The following CDH13 variants were observed in gnomAD, a reference collection of about 807,000 sequenced individuals.
CDH13 encodes cadherin-13.
Under a neutral mutation model 63.8 loss-of-function variants are expected in CDH13, and 24 were observed. The observed-to-expected ratio is 0.38, with a 90% CI of 0.27 to 0.53. The LOEUF is 0.53. Ranked by LOEUF, CDH13 falls within the 20% of genes least tolerant of loss-of-function variation. CDH13 has a pLI of 0.85. For missense variants in CDH13, 1,049 were observed against 903.1 expected (o/e 1.16, Z -2.07); for synonymous variants, 503 against 355.3 (o/e 1.42, Z -4.67).
intron 8 of CDH13, among the ~76,000 whole-genome samples, chr16:83,615,691 G>C (rs1398506077): frequency 6.6e-6 from 1 of 152,200 alleles, no homozygotes; most frequent in East Asian, 1.9e-4. Context: ...TGTGATTTCA[G>C]TGCATGGGTA....
chr16:82,828,775 C>T (rs111975312), intron 1 of CDH13, among the ~76,000 whole-genome samples: 239 of 151,984 alleles, frequency 1.6e-3, no homozygotes, highest in African/African-American at 5.6e-3. Flanking sequence ...ATAGCATTTA[C>T]ATTCTATTAG....
chr16:83,344,373 T>C (rs1052212092), intron 5 of CDH13, among the ~76,000 whole-genome samples: 2 of 152,184 alleles, frequency 1.3e-5, no homozygotes, highest in Non-Finnish European at 2.9e-5. Flanking sequence ...CCCTGCAAAT[T>C]CTGAGTTCCT....
At chr16:83,390,904 G>C (rs560064334) in intron 6 of CDH13, among the ~76,000 whole-genome samples, 1 of 152,342 alleles carries the variant, frequency 6.6e-6, no homozygotes, top group East Asian at 1.9e-4. Flanking sequence ...CACTGGAGCT[G>C]ACCTCTTTGA....
At chr16:82,890,565 GA>G (rs1406723983) in intron 2 of CDH13, among the ~76,000 whole-genome samples, 1 of 151,996 alleles carries the variant, frequency 6.6e-6, no homozygotes, top group Non-Finnish European at 1.5e-5. Context: ...TCTTAGAGTG[GA>G]GTTTTCAAGG....
chr16:82,740,728 G>A (rs987970264), intron 1 of CDH13, among the ~76,000 whole-genome samples: 1 of 152,138 alleles, frequency 6.6e-6, no homozygotes, highest in African/African-American at 2.4e-5. Flanking sequence ...AGAAACACAT[G>A]ATGCTTCTTG....
intron 8 of CDH13, among the ~76,000 whole-genome samples, chr16:83,610,097 C>T (rs1214788801): frequency 6.6e-6 from 1 of 152,064 alleles, no homozygotes; most frequent in African/African-American, 2.4e-5. Flanking sequence ...ATGGTTATAC[C>T]ACATTTTATG....
chr16:83,363,918 G>A (rs901728429), intron 6 of CDH13, among the ~76,000 whole-genome samples: 1 of 152,186 alleles, frequency 6.6e-6, no homozygotes, highest in Non-Finnish European at 1.5e-5. Context: ...GACCTTGGGA[G>A]TGTAAGCACC....
At chr16:83,768,298 A>T (rs902916917) in intron 11 of CDH13, among the ~76,000 whole-genome samples, 8 of 152,218 alleles carry the variant, frequency 5.3e-5, no homozygotes, top group African/African-American at 1.7e-4. Context: ...TTTTTTAGCT[A>T]AGTGGAAATC....
intron 8 of CDH13, among the ~76,000 whole-genome samples, chr16:83,616,756 C>A (rs1909316881): frequency 6.6e-6 from 1 of 152,136 alleles, no homozygotes; most frequent in South Asian, 2.1e-4. Context: ...CCACACTGCA[C>A]CTGGAAGCCA....
At chr16:83,484,451 G>T (rs1598126868) in intron 6 of CDH13, among the ~76,000 whole-genome samples, 2 of 152,302 alleles carry the variant, frequency 1.3e-5, no homozygotes, top group Admixed American at 1.3e-4. Flanking sequence ...GTTATGGTTA[G>T]GCAGGATGCC....
At chr16:83,154,874 C>G (rs1274529333) in intron 4 of CDH13, among the ~76,000 whole-genome samples, 1 of 152,150 alleles carries the variant, frequency 6.6e-6, no homozygotes, top group African/African-American at 2.4e-5. Context: ...TAGCAAAAAT[C>G]TTTAAAAGCT....
At chr16:82,710,907 T>A (rs2151006036) in intron 1 of CDH13, among the ~76,000 whole-genome samples, 1 of 151,766 alleles carries the variant, frequency 6.6e-6, no homozygotes, top group South Asian at 2.1e-4. Flanking sequence ...CAGTTTGATT[T>A]GGCATATTTT....
At chr16:83,073,994 C>T (rs563998826) in intron 3 of CDH13, among the ~76,000 whole-genome samples, 3 of 152,208 alleles carry the variant, frequency 2.0e-5, no homozygotes, top group South Asian at 4.1e-4. Flanking sequence ...GTGTTGAGAA[C>T]ATTTCTAGTC....
chr16:82,942,236 A>G (rs551745847), intron 2 of CDH13, among the ~76,000 whole-genome samples: 3 of 152,282 alleles, frequency 2.0e-5, no homozygotes, highest in African/African-American at 7.2e-5. Flanking sequence ...GTCAAGATGT[A>G]TGATTTTTCC....
intron 8 of CDH13, among the ~76,000 whole-genome samples, chr16:83,656,668 C>T (rs887615914): frequency 3.9e-5 from 6 of 152,198 alleles, no homozygotes; most frequent in African/African-American, 1.4e-4. Flanking sequence ...GGCTCCTGAG[C>T]CATTTCCTGT....
intron 6 of CDH13, among the ~76,000 whole-genome samples, chr16:83,371,380 A>G (rs970550296): frequency 7.2e-5 from 11 of 152,172 alleles, no homozygotes; most frequent in African/African-American, 2.7e-4. Context: ...GAGAGAATCC[A>G]CTATACCCCT....
At chr16:83,289,435 A>G (rs1401271652) in intron 5 of CDH13, among the ~76,000 whole-genome samples, 1 of 152,152 alleles carries the variant, frequency 6.6e-6, no homozygotes, top group Non-Finnish European at 1.5e-5. Flanking sequence ...GCTCCACTTT[A>G]GTGTGGAACC....
chr16:83,086,236 C>G (rs2033588325), intron 3 of CDH13, among the ~76,000 whole-genome samples: 1 of 152,172 alleles, frequency 6.6e-6, no homozygotes, highest in Non-Finnish European at 1.5e-5. Context: ...ACAAAACAGT[C>G]AAGACATTTC....
chr16:82,715,355 C>G (rs186326521), intron 1 of CDH13, among the ~76,000 whole-genome samples: 33 of 152,230 alleles, frequency 2.2e-4, no homozygotes, highest in African/African-American at 7.5e-4. Flanking sequence ...GTCAGGGCGT[C>G]TGTTTGTTGA....
Sources: gnomAD v4.1 joint callset for allele counts (sites outside exome capture counted in the v4.1 genomes callset) on GRCh38, gnomAD v4.1.1 for gene constraint, MANE v1.5 for transcripts, NCBI Gene and HGNC (gene_info 2026-07-23, HGNC 2026-07-21) for gene names.